FSTL4: variants seen among roughly 807,000 people sequenced by gnomAD.
FSTL4 encodes the protein follistatin like 4.
In FSTL4, 28 loss-of-function variants were observed where a neutral mutation model predicts 78.2. That is an observed-to-expected ratio of 0.36 (90% CI 0.27 to 0.49). The LOEUF (loss-of-function observed/expected upper bound fraction) is 0.49, where lower values mean the gene tolerates loss of function less well. Ranked by LOEUF, FSTL4 falls within the 20% of genes least tolerant of loss-of-function variation. The probability of loss-of-function intolerance (pLI) is 0.98; values close to 1 mark genes in which losing one functional copy is unlikely to be tolerated. For missense variants in FSTL4, 922 were observed against 1,084.9 expected (o/e 0.85, Z 2.11); for synonymous variants, 422 against 440.5 (o/e 0.96, Z 0.53).
chr5:133,263,881 G>A (rs970177107), intron 6 of FSTL4, among the ~76,000 whole-genome samples: 1 of 152,162 alleles, frequency 6.6e-6, no homozygotes, highest in Non-Finnish European at 1.5e-5. Context: ...TGGGGGCCCA[G>A]CCTCTGATGG....
At chr5:133,514,236 C>T (rs1172797658) in intron 3 of FSTL4, among the ~76,000 whole-genome samples, 4 of 149,388 alleles carry the variant, frequency 2.7e-5, no homozygotes, top group African/African-American at 9.8e-5. Context: ...ACCGTTGGTT[C>T]AGGGAGAACA....
chr5:133,667,913 C>T, the FSTL4 span, among the ~76,000 whole-genome samples: 268 of 152,304 alleles, frequency 1.8e-3, 1 homozygote, highest in Middle Eastern at 0.01. Flanking sequence ...AATAAACATT[C>T]GTTGAATGAA....
chr5:133,203,904 C>CTGAG (rs1261455432), intron 14 of FSTL4, among the ~76,000 whole-genome samples: 12 of 152,370 alleles, frequency 7.9e-5, no homozygotes, highest in African/African-American at 2.4e-4. Context: ...CCTCGTTTCT[C>CTGAG]TGAGTCACGA....
the FSTL4 span, among the ~76,000 whole-genome samples, chr5:133,718,324 C>A: frequency 6.6e-6 from 1 of 152,166 alleles, no homozygotes; most frequent in African/African-American, 2.4e-5. Flanking sequence ...CGTGATCCGC[C>A]TGCCTCGGCC....
At chr5:133,343,631 G>A (rs918689227) in intron 4 of FSTL4, among the ~76,000 whole-genome samples, 1 of 152,190 alleles carries the variant, frequency 6.6e-6, no homozygotes, top group African/African-American at 2.4e-5. Flanking sequence ...TTATAGCCGG[G>A]GGCTGTGGTT....
At chr5:133,803,326 G>A in the FSTL4 span, among the ~76,000 whole-genome samples, 1 of 152,138 alleles carries the variant, frequency 6.6e-6, no homozygotes, top group South Asian at 2.1e-4. Flanking sequence ...AAGTGTCTAA[G>A]GTGTCTAAGA....
the FSTL4 span, among the ~76,000 whole-genome samples, chr5:133,776,496 C>G: frequency 1.3e-5 from 2 of 152,182 alleles, no homozygotes; most frequent in African/African-American, 4.8e-5. Context: ...ATCCTGCCCA[C>G]AGTATTCTAA....
chr5:133,260,940 A>G (rs1441210978), intron 6 of FSTL4, among the ~76,000 whole-genome samples: 1 of 152,206 alleles, frequency 6.6e-6, no homozygotes. Context: ...GGCAGTGGTA[A>G]GAAAGGAGGC....
chr5:133,290,397 A>T (rs1007381338), intron 6 of FSTL4, among the ~76,000 whole-genome samples: 15 of 152,224 alleles, frequency 9.9e-5, no homozygotes, highest in Non-Finnish European at 2.9e-5. Context: ...TGTGAGGGCC[A>T]TCGGGGAGTC....
At chr5:133,452,883 T>C (rs181545681) in intron 3 of FSTL4, among the ~76,000 whole-genome samples, 1 of 152,380 alleles carries the variant, frequency 6.6e-6, no homozygotes, top group East Asian at 1.9e-4. Context: ...CAGTTCTTTA[T>C]TGCAGGCGCA....
the FSTL4 span, among the ~76,000 whole-genome samples, chr5:133,755,947 T>G: frequency 5.3e-5 from 8 of 152,202 alleles, no homozygotes; most frequent in African/African-American, 1.9e-4. Flanking sequence ...ATGCCTACTA[T>G]GTCCCAGGTT....
Position 133,364,361 on chromosome 5 carries a change from C to G in FSTL4, c.409+36377G>C, listed in dbSNP as rs148329848. ...AAGGCCTGAAACTTCAGAGGGGACT[C>G]TGAGTGTACTCCCAGTGGGCACCTA... On this transcript the variant is annotated intron_variant, in intron 4 of 15. Coordinates refer to ENST00000265342, the MANE Select transcript of FSTL4 (RefSeq NM_015082.2). Among the ~76,000 whole-genome samples the G allele has an allele frequency of 5.9e-5, 9 of 152,318 alleles. No homozygotes were observed. In the East Asian group the frequency reaches 1.5e-3, roughly 26 times the overall value.
At chr5:133,260,496 T>C (rs1752492335) in intron 6 of FSTL4, among the ~76,000 whole-genome samples, 2 of 152,248 alleles carry the variant, frequency 1.3e-5, no homozygotes, top group South Asian at 4.1e-4. Flanking sequence ...GAGGGGTTCC[T>C]GTGCCAGCCG....
chr5:133,504,569 C>T (rs79806087), intron 3 of FSTL4, among the ~76,000 whole-genome samples: 276 of 152,298 alleles, frequency 1.8e-3, no homozygotes, highest in African/African-American at 6.3e-3. Flanking sequence ...TTAGGATCAA[C>T]TCAACATTCT....
intron 8 of FSTL4, among the ~76,000 whole-genome samples, chr5:133,233,049 TCA>T (rs1581552266): frequency 6.6e-6 from 1 of 152,224 alleles, no homozygotes; most frequent in Admixed American, 6.5e-5. Context: ...GTGGTGGATT[TCA>T]GTTTCTGCTC....
the FSTL4 span, among the ~76,000 whole-genome samples, chr5:133,807,732 G>A: frequency 3.3e-5 from 5 of 152,214 alleles, no homozygotes; most frequent in Non-Finnish European, 4.4e-5. Context: ...AGCTGAGACG[G>A]CCAGTGGGTC....
the FSTL4 span, among the ~76,000 whole-genome samples, chr5:133,644,090 T>C: frequency 5.3e-5 from 8 of 152,194 alleles, no homozygotes. Context: ...GGTATTTTAC[T>C]TGGTAAAATG....
At chr5:133,368,079 G>A (rs1234637895) in intron 4 of FSTL4, among the ~76,000 whole-genome samples, 1 of 152,252 alleles carries the variant, frequency 6.6e-6, no homozygotes, top group Non-Finnish European at 1.5e-5. Context: ...CCCCTGGGAG[G>A]GGATTGCTAA....
intron 3 of FSTL4, among the ~76,000 whole-genome samples, chr5:133,447,131 A>G (rs1431421189): frequency 6.6e-6 from 1 of 152,208 alleles, no homozygotes; most frequent in Non-Finnish European, 1.5e-5. Context: ...TGATGCTGAT[A>G]TACAGGAGGA....
Sources: gnomAD v4.1 joint callset for allele counts (sites outside exome capture counted in the v4.1 genomes callset) on GRCh38, gnomAD v4.1.1 for gene constraint, MANE v1.5 for transcripts, NCBI Gene and HGNC (gene_info 2026-07-23, HGNC 2026-07-21) for gene names.